The following RUNX2 variants were observed in gnomAD, a reference collection of about 807,000 sequenced individuals.
RUNX2 encodes the protein RUNX family transcription factor 2.
RUNX2 carries 10 observed loss-of-function variants against 51.7 expected under a neutral mutation model. The ratio of observed to expected loss-of-function variants is 0.19; its 90% CI spans 0.12 to 0.33. The LOEUF (loss-of-function observed/expected upper bound fraction) is 0.33, where lower values mean the gene tolerates loss of function less well. Ranked by LOEUF, RUNX2 falls within the 10% of genes least tolerant of loss-of-function variation. The pLI is 1.00. For synonymous variants in RUNX2, 276 were observed against 273.6 expected (o/e 1.01, Z -0.09); for missense variants, 562 against 691.3 (o/e 0.81, Z 2.10).
At chr6:45,380,658 C>T (rs1797218541) in intron 2 of RUNX2, among the ~76,000 whole-genome samples, 4 of 152,282 alleles carry the variant, frequency 2.6e-5, no homozygotes, top group Admixed American at 2.0e-4. Flanking sequence ...CTCACTGCAA[C>T]TTCCTCTTCC....
chr6:45,492,846 G>A (rs1800525424), intron 6 of RUNX2, among the ~76,000 whole-genome samples: 2 of 152,192 alleles, frequency 1.3e-5, no homozygotes, highest in African/African-American at 4.8e-5. Context: ...GATGACAAGA[G>A]AGTGTATTAA....
intron 2 of RUNX2, among the ~76,000 whole-genome samples, chr6:45,409,941 C>A (rs368579207): frequency 1.3e-5 from 2 of 152,148 alleles, no homozygotes; most frequent in African/African-American, 4.8e-5. Flanking sequence ...GAGGTAAATG[C>A]AAATTTCTGT....
chr6:45,354,305 T>A (rs542309936), intron 2 of RUNX2, among the ~76,000 whole-genome samples: 4 of 152,182 alleles, frequency 2.6e-5, no homozygotes, highest in Non-Finnish European at 5.9e-5. Context: ...AAAGATCTGA[T>A]AACATAGTTG....
chr6:45,531,740 AGATTCTGTC>A, intron 7 of RUNX2, among the ~76,000 whole-genome samples: 1 of 151,462 alleles, frequency 6.6e-6, no homozygotes, highest in African/African-American at 2.4e-5. Context: ...CAACAGGGTG[AGATTCTGTC>A]TAAAAAAAAA....
At chr6:45,358,031 C>T (rs935012953) in intron 2 of RUNX2, among the ~76,000 whole-genome samples, 1 of 151,598 alleles carries the variant, frequency 6.6e-6, no homozygotes. Flanking sequence ...GCCAAAGTAG[C>T]CAAAAATTAA....
chr6:45,473,664 T>A (rs1694381409), intron 5 of RUNX2, among the ~76,000 whole-genome samples: 1 of 152,214 alleles, frequency 6.6e-6, no homozygotes, highest in Admixed American at 6.5e-5. Context: ...TCACTGAAAG[T>A]AATAGAGTGA....
rs1796148835 is a variant in RUNX2 at position 45,372,103 on chromosome 6, A to G, written c.58+43319A>G. On this transcript the variant is annotated intron_variant, in intron 2 of 8. Coordinates refer to ENST00000647337, the MANE Select transcript of RUNX2 (RefSeq NM_001024630.4). ...CAGTGAACTGTGTTGTGAAATATTAATATCTGACTATGCCAAACCACAATG... is the reference window on the plus strand; with the variant it reads ...CAGTGAACTGTGTTGTGAAATATTAGTATCTGACTATGCCAAACCACAATG... 6 of 819,072 alleles carry G rather than the reference A, an allele frequency of 7.3e-6. No homozygotes were observed. In the South Asian group the frequency reaches 2.8e-4, roughly 38 times the overall value. 50.7% of individuals were successfully genotyped at this position (819,072 alleles called of 1,614,324 possible). A position where few individuals can be genotyped will look rare whatever the true frequency, so the allele number is the denominator to read the frequency against.
At position 45,399,232 on chromosome 6, in the gene RUNX2, T is replaced by A. The variant is rs1376389723; in HGVS notation, c.59-23361T>A. Among the ~76,000 whole-genome samples, 5 of 152,086 alleles carry A rather than the reference T, an allele frequency of 3.3e-5. No individual in the cohort carries two copies. In the East Asian group the frequency reaches 9.7e-4, roughly 29 times the overall value. Reference sequence around the variant, plus strand: ...AGATGGAAGCAGAAATTGAGGAAGATCAGCATTGGAGGCAGAGAGAATTGC... The same window carrying A: ...AGATGGAAGCAGAAATTGAGGAAGAACAGCATTGGAGGCAGAGAGAATTGC... On this transcript the variant is annotated intron_variant, in intron 2 of 8. Transcript: ENST00000647337.
intron 2 of RUNX2, among the ~76,000 whole-genome samples, chr6:45,401,547 A>T (rs1177199490): frequency 6.6e-6 from 1 of 152,236 alleles, no homozygotes; most frequent in Non-Finnish European, 1.5e-5. Flanking sequence ...TCTAATCCAA[A>T]AAAGAGGTAT....
intron 7 of RUNX2, among the ~76,000 whole-genome samples, chr6:45,542,846 G>C (rs1216908640): frequency 6.6e-6 from 1 of 152,202 alleles, no homozygotes; most frequent in African/African-American, 2.4e-5. Context: ...GGTCTGTCTA[G>C]CTGTGGCTGT....
chr6:45,402,743 G>A (rs1797740057), intron 2 of RUNX2, among the ~76,000 whole-genome samples: 1 of 152,094 alleles, frequency 6.6e-6, no homozygotes, highest in South Asian at 2.1e-4. Flanking sequence ...ATGGTGACAT[G>A]CTCCTGTGGT....
At chr6:45,329,809 T>C (rs1183219473) in intron 2 of RUNX2, among the ~76,000 whole-genome samples, 1 of 151,992 alleles carries the variant, frequency 6.6e-6, no homozygotes, top group Non-Finnish European at 1.5e-5. Flanking sequence ...TGTGTTATTA[T>C]AGCAAAATAT....
intron 2 of RUNX2, among the ~76,000 whole-genome samples, chr6:45,394,295 C>T (rs1300370780): frequency 1.3e-5 from 2 of 152,130 alleles, no homozygotes; most frequent in East Asian, 3.9e-4. Context: ...CATGAGGGAT[C>T]CGCCCCCATG....
At chr6:45,378,016 A>G (rs1239803301) in intron 2 of RUNX2, 1 of 151,576 alleles carries the variant, frequency 6.6e-6, no homozygotes, top group Admixed American at 6.6e-5. Flanking sequence ...GGAGTAAGCG[A>G]TACGGACGCC....
chr6:45,376,498 A>C (rs1796792569), intron 2 of RUNX2, among the ~76,000 whole-genome samples: 1 of 152,240 alleles, frequency 6.6e-6, no homozygotes, highest in Admixed American at 6.5e-5. Context: ...CAAGTGCTGA[A>C]GAGCCACTGT....
intron 2 of RUNX2, among the ~76,000 whole-genome samples, chr6:45,344,980 ATC>A (rs936512759): frequency 3.3e-5 from 5 of 152,130 alleles, no homozygotes; most frequent in Non-Finnish European, 5.9e-5. Context: ...GAGTTTAGAA[ATC>A]TGTTTCACCT....
chr6:45,540,731 G>T (rs1582224454), intron 7 of RUNX2, among the ~76,000 whole-genome samples: 1 of 152,160 alleles, frequency 6.6e-6, no homozygotes, highest in East Asian at 1.9e-4. Context: ...TTACCTAACA[G>T]CAGGCCATGG....
intron 2 of RUNX2, among the ~76,000 whole-genome samples, chr6:45,329,658 TA>T (rs1260596140): frequency 6.6e-6 from 1 of 151,954 alleles, no homozygotes; most frequent in Non-Finnish European, 1.5e-5. Flanking sequence ...TCCATAAGGA[TA>T]CCCTGTATGA....
intron 2 of RUNX2, 169 bp from the exon 3 acceptor site, chr6:45,422,424 G>A: frequency 1.6e-6 from 1 of 644,550 alleles, no homozygotes. Context: ...CCCGGCAGTC[G>A]GCCTCATCAA....
Sources: gnomAD v4.1 joint callset for allele counts (sites outside exome capture counted in the v4.1 genomes callset) on GRCh38, gnomAD v4.1.1 for gene constraint, MANE v1.5 for transcripts, NCBI Gene and HGNC (gene_info 2026-07-23, HGNC 2026-07-21) for gene names.